The following PASD1 variants were observed in gnomAD, a reference collection of about 807,000 sequenced individuals.
PASD1 encodes the protein PAS domain containing repressor 1, also known as circadian clock protein PASD1.
PASD1 carries 13 observed loss-of-function variants against 58.8 expected under a neutral mutation model. That is an observed-to-expected ratio of 0.22 (90% CI 0.14 to 0.35). PASD1 has a LOEUF of 0.35. Ranked by LOEUF, PASD1 falls within the 10% of genes least tolerant of loss-of-function variation. The probability of loss-of-function intolerance (pLI) is 1.00; values close to 1 mark genes in which losing one functional copy is unlikely to be tolerated. For synonymous variants in PASD1, 236 were observed against 216.7 expected, an observed-to-expected ratio of 1.09 and a Z score of -0.78; for missense variants, 734 against 568.3, an observed-to-expected ratio of 1.29 and a Z score of -2.96.
chrX:151,653,751 CTTCTTTCTTTCTTTCT>C (rs1246137820), intron 9 of PASD1, among the ~76,000 whole-genome samples: 14 of 16,966 alleles, frequency 8.3e-4, no homozygotes, highest in Admixed American at 2.2e-3. Flanking sequence ...TCTTTCCTTC[CTTCTTTCTTTCTTTCT>C]TTCTTTCTTT....
intron 1 of PASD1, among the ~76,000 whole-genome samples, chrX:151,599,665 C>T (rs1316645310): frequency 8.7e-5 from 9 of 103,299 alleles, no homozygotes; most frequent in African/African-American, 1.5e-4. Flanking sequence ...ACATCTCAGA[C>T]GGGGCAGACG....
intron 10 of PASD1, among the ~76,000 whole-genome samples, chrX:151,662,167 C>G (rs1032547255): frequency 2.7e-5 from 3 of 112,153 alleles, no homozygotes; most frequent in Non-Finnish European, 5.6e-5. Flanking sequence ...TATTTATTAA[C>G]TGCAATCTTG....
chrX:151,611,569 A>T, intron 3 of PASD1, 95 bp from the exon 4 acceptor site: 1 of 572,642 alleles, frequency 1.7e-6, no homozygotes. Context: ...GGTGCATTTC[A>T]GTGTGCTATT....
At chrX:151,673,448 C>A (rs758982614) in intron 14 of PASD1, 9 of 129,791 alleles carry the variant, frequency 6.9e-5, no homozygotes, top group Non-Finnish European at 1.3e-4. Context: ...TTGACCTGAT[C>A]ATCAGAATCC....
chrX:151,648,722 T>C lies in PASD1; in HGVS notation c.717+20T>C. On this transcript the variant is annotated intron_variant, in intron 9 of 15. Coordinates refer to ENST00000370357, the MANE Select transcript of PASD1 (RefSeq NM_173493.3). ...TCAGACGTATGTACATTGAGGACCA[T>C]AGACTACAATCTTAGACCCTTATCC... 1 of 1,201,395 alleles carries C rather than the reference T, an allele frequency of 8.3e-7. No homozygotes were observed. The highest frequency in any genetic ancestry group is 1.1e-6 in the Non-Finnish European group (1 of 887,789).
intron 2 of PASD1, among the ~76,000 whole-genome samples, chrX:151,604,167 G>A (rs2013456113): frequency 1.8e-5 from 2 of 111,695 alleles, no homozygotes; most frequent in Admixed American, 1.9e-4. Flanking sequence ...GAGCTTTGAA[G>A]AGATAAAAGA....
At chrX:151,609,588 G>A (rs2013528042) in intron 3 of PASD1, among the ~76,000 whole-genome samples, 1 of 111,728 alleles carries the variant, frequency 9.0e-6, no homozygotes, top group Admixed American at 9.5e-5. Flanking sequence ...GACATGTTTC[G>A]CTTAGTATAA....
At chrX:151,600,760 C>G (rs1030238558) in intron 1 of PASD1, among the ~76,000 whole-genome samples, 14 of 111,469 alleles carry the variant, frequency 1.3e-4, no homozygotes, top group African/African-American at 4.6e-4. Flanking sequence ...CTTCCCTGTT[C>G]AGGTTATTTT....
chrX:151,591,256 A>G (rs2013242660), intron 1 of PASD1, among the ~76,000 whole-genome samples: 1 of 112,140 alleles, frequency 8.9e-6, no homozygotes, highest in East Asian at 2.8e-4. Flanking sequence ...GCCAATGATG[A>G]ATTAAATCCA....
rs1326511233 is a variant in PASD1 at position 151,664,314 on chromosome X, C to T, written c.1037C>T (p.Ser346Leu). ...ATGGATCCAGTGGATCCAGAGGACTCAGTGGACCTGGGGGCTGCTGGCGCA... is the reference window on the plus strand; with the variant it reads ...ATGGATCCAGTGGATCCAGAGGACTTAGTGGACCTGGGGGCTGCTGGCGCA... ...GLMDPVDPED[S>L]VDLGAAGASA... The change falls in exon 11 of 16, where the codon TCA becomes TTA. Residue 346 changes from serine (S) to leucine (L), a missense_variant. Physicochemically the swap from Ser to Leu is moderately radical, Grantham distance 145 (BLOSUM62 -2). Transcript: ENST00000370357. The T allele has an allele frequency of 1.7e-6, 2 of 1,210,170 alleles. No homozygotes were observed. Among genetic ancestry groups the T allele is most frequent in the Non-Finnish European group, 2.2e-6 (2 of 895,252 alleles).
intron 4 of PASD1, among the ~76,000 whole-genome samples, chrX:151,614,900 A>G (rs1338623017): frequency 2.7e-5 from 3 of 112,076 alleles, no homozygotes; most frequent in Non-Finnish European, 5.6e-5. Flanking sequence ...TTCATTTTTT[A>G]AAAAAACAGT....
chrX:151,620,809 C>G (rs758374852), intron 4 of PASD1, 121 bp from the exon 5 acceptor site: 1 of 422,095 alleles, frequency 2.4e-6, no homozygotes, highest in Non-Finnish European at 4.1e-6. Context: ...TGGGGCAGAG[C>G]ATAAGCTCAC....
rs189436045 is a variant in PASD1 at position 151,643,484 on chromosome X, A to T, written c.630-5131A>T. On this transcript the variant is annotated intron_variant, in intron 8 of 15. Transcript: ENST00000370357. Reference sequence around the variant, plus strand: ...GAGCCTATCGATTTCAAAGACATACACATTTTGGTAATAGAGACAAATGGA... The same window carrying T: ...GAGCCTATCGATTTCAAAGACATACTCATTTTGGTAATAGAGACAAATGGA... 1.9e-3 allele frequency among the ~76,000 whole-genome samples: 218 copies of T among 111,925 alleles called. 1 individual carries two copies. Among genetic ancestry groups the T allele is most frequent in the Admixed American group, 3.4e-3 (36 of 10,535 alleles).
At chrX:151,652,698 T>G (rs2014147685) in intron 9 of PASD1, among the ~76,000 whole-genome samples, 1 of 110,539 alleles carries the variant, frequency 9.0e-6, no homozygotes, top group South Asian at 3.8e-4. Flanking sequence ...TTGAAAAAGG[T>G]GAGAAAGCTA....
intron 8 of PASD1, among the ~76,000 whole-genome samples, chrX:151,645,137 C>T (rs1409045759): frequency 9.0e-6 from 1 of 111,555 alleles, no homozygotes; most frequent in Non-Finnish European, 1.9e-5. Context: ...TGTAGACAAG[C>T]CTTGGTTAGA....
intron 4 of PASD1, among the ~76,000 whole-genome samples, chrX:151,619,907 G>A (rs191585504): frequency 9.0e-6 from 1 of 111,353 alleles, no homozygotes; most frequent in Admixed American, 9.6e-5. Flanking sequence ...TGCATGTTTC[G>A]AATTTTGTGT....
At chrX:151,656,307 C>A (rs2014240648) in intron 9 of PASD1, among the ~76,000 whole-genome samples, 1 of 111,662 alleles carries the variant, frequency 9.0e-6, no homozygotes, top group Admixed American at 9.5e-5. Flanking sequence ...CAGCTTTGTT[C>A]TTTTGGCTTA....
intron 1 of PASD1, among the ~76,000 whole-genome samples, chrX:151,582,080 G>A (rs1007828856): frequency 4.3e-5 from 4 of 92,592 alleles, no homozygotes; most frequent in Admixed American, 1.4e-4. Context: ...TCCGCCTCCC[G>A]GGTTCACGTG....
intron 8 of PASD1, among the ~76,000 whole-genome samples, chrX:151,629,048 T>C (rs2013832282): frequency 8.9e-6 from 1 of 112,109 alleles, no homozygotes; most frequent in South Asian, 3.8e-4. Flanking sequence ...TTTTTTATCC[T>C]GAGACTTTGC....
Sources: allele counts gnomAD v4.1 joint callset (sites outside exome capture counted in the v4.1 genomes callset), GRCh38; gene constraint gnomAD v4.1.1; transcripts MANE v1.5; gene names NCBI Gene and HGNC (gene_info 2026-07-23, HGNC 2026-07-21).